Variants in ARFGAP3 observed in about 807,000 individuals in gnomAD.
ARFGAP3 encodes ARF GTPase activating protein 3, also known as ADP-ribosylation factor GTPase-activating protein 3.
ARFGAP3 carries 72 observed loss-of-function variants against 75.0 expected under a neutral mutation model. That is an observed-to-expected ratio of 0.96 (90% CI 0.79 to 1.17). The LOEUF (loss-of-function observed/expected upper bound fraction) is 1.17. Ranked by LOEUF, ARFGAP3 falls within the 50% of genes most tolerant of loss-of-function variation. The pLI, the probability that ARFGAP3 is intolerant of heterozygous loss-of-function variation, is 0.00. For synonymous variants in ARFGAP3, 221 were observed against 217.9 expected, an observed-to-expected ratio of 1.01 and a Z score of -0.13; for missense variants, 620 against 626.6, an observed-to-expected ratio of 0.99 and a Z score of 0.11.
intron 2 of ARFGAP3, 52 bp downstream of exon 2, chr22:42,847,462 A>G: frequency 6.8e-7 from 1 of 1,474,794 alleles, no homozygotes; most frequent in Non-Finnish European, 9.4e-7. Flanking sequence ...GGAAAAAAAC[A>G]CCCATGTAAC....
Position 42,831,644 on chromosome 22 carries a change from A to G in ARFGAP3, c.478-8T>C. ...CCACGCTGTGTCACTCACCTGAAAC[A>G]AGGCGAGAAAAGTCATTAGCAGACA... On this transcript the variant is annotated splice_polypyrimidine_tract_variant and splice_region_variant and intron_variant, in intron 5 of 15. Transcript: ENST00000263245. 6.2e-7 allele frequency: 1 copy of G among 1,614,006 alleles called. No individual in the cohort carries two copies. Among genetic ancestry groups the G allele is most frequent in the Non-Finnish European group, 8.5e-7 (1 of 1,179,954 alleles).
chr22:42,797,697 C>T lies in ARFGAP3; in HGVS notation c.1534-92G>A, dbSNP rs112736077. The T allele has an allele frequency of 3.1e-3, 5,071 of 1,612,448 alleles. 144 individuals are homozygous for T. In the African/African-American group the frequency reaches 0.058, roughly 19 times the overall value. On this transcript the variant is annotated intron_variant, in intron 15 of 15. Transcript: ENST00000263245. ...ATATTCAGCATCACCCAAATTGACA[C>T]TGCAGCCCATGTCAGGCATGTGACA...
chr22:42,820,482 G>A (rs1297447088), intron 9 of ARFGAP3, among the ~76,000 whole-genome samples: 1 of 152,120 alleles, frequency 6.6e-6, no homozygotes, highest in Non-Finnish European at 1.5e-5. Context: ...AAGACAGTAC[G>A]AAAAGTAGTT....
intron 11 of ARFGAP3, among the ~76,000 whole-genome samples, chr22:42,814,389 A>G (rs1038583944): frequency 2.0e-5 from 3 of 152,212 alleles, no homozygotes; most frequent in African/African-American, 7.2e-5. Flanking sequence ...TAGAGAAGGC[A>G]TTTATGTTCC....
chr22:42,831,535 T>A lies in ARFGAP3; in HGVS notation c.565+14A>T. The A allele has an allele frequency of 6.2e-7, 1 of 1,612,038 alleles. No homozygotes were observed. The highest frequency in any genetic ancestry group is 8.5e-7 in the Non-Finnish European group (1 of 1,178,468). ...CCATAGAATAGTATTACATGACAGT[T>A]CTAAGGACTCCACCTTCATTATTTT... On this transcript the variant is annotated intron_variant, in intron 6 of 15. Coordinates refer to ENST00000263245, the MANE Select transcript of ARFGAP3 (RefSeq NM_014570.5).
At chr22:42,828,114 A>G (rs961838263) in intron 6 of ARFGAP3, among the ~76,000 whole-genome samples, 12 of 149,254 alleles carry the variant, frequency 8.0e-5, no homozygotes, top group East Asian at 5.9e-4. Flanking sequence ...GTGAAACCCC[A>G]TATCTACTAA....
intron 9 of ARFGAP3, among the ~76,000 whole-genome samples, 160 bp downstream of exon 9, chr22:42,822,110 C>G (rs931390962): frequency 6.6e-6 from 1 of 152,146 alleles, no homozygotes; most frequent in African/African-American, 2.4e-5. Context: ...TCTTTCCCTT[C>G]CAATCCACAT....
intron 3 of ARFGAP3, among the ~76,000 whole-genome samples, chr22:42,839,562 C>T (rs995657190): frequency 1.3e-4 from 19 of 147,534 alleles, no homozygotes; most frequent in Non-Finnish European, 2.8e-4. Flanking sequence ...GGCGCCACTG[C>T]ACTCCAGCCT....
chr22:42,847,145 A>G, intron 2 of ARFGAP3: 1 of 197,424 alleles, frequency 5.1e-6, no homozygotes, highest in Non-Finnish European at 1.0e-5. Context: ...GTATGGCAAC[A>G]CTGAAAATCA....
At chr22:42,802,423 C>A (rs1924908805) in intron 14 of ARFGAP3, among the ~76,000 whole-genome samples, 1 of 150,436 alleles carries the variant, frequency 6.6e-6, no homozygotes, top group Non-Finnish European at 1.5e-5. Flanking sequence ...GTAGCTGGGA[C>A]TACAGGTGCC....
At chr22:42,853,997 G>A (rs1248569787) in intron 1 of ARFGAP3, among the ~76,000 whole-genome samples, 2 of 152,222 alleles carry the variant, frequency 1.3e-5, no homozygotes, top group East Asian at 1.9e-4. Context: ...TGACAGATAA[G>A]AAGTGGCCAC....
chr22:42,855,342 T>C (rs1281995094), intron 1 of ARFGAP3, among the ~76,000 whole-genome samples: 1 of 152,200 alleles, frequency 6.6e-6, no homozygotes, highest in Middle Eastern at 3.2e-3. Flanking sequence ...CAGATCCTAA[T>C]CTTGACTAAG....
At position 42,817,807 on chromosome 22, in the gene ARFGAP3, T is replaced by C. The variant is rs758622602; in HGVS notation, c.863A>G (p.Lys288Arg). 1.9e-6 allele frequency: 3 copies of C among 1,613,520 alleles called. No homozygotes were observed. Among genetic ancestry groups the C allele is most frequent in the Non-Finnish European group, 2.5e-6 (3 of 1,179,780 alleles). The change falls in exon 10 of 16, where the codon AAA becomes AGA. Residue 288 changes from lysine (K) to arginine (R), a missense_variant. Coordinates refer to ENST00000263245, the MANE Select transcript of ARFGAP3 (RefSeq NM_014570.5). Reference protein sequence around the residue: ...AYKDLEIQMKKDEKMNISGKK... With the variant: ...AYKDLEIQMKRDEKMNISGKK... ...GCCACTAATGTTCATCTTTTCGTCT[T>C]TCTTCATTTGAATTTCAAGATCCTT...
At chr22:42,837,404 T>C (rs1191494660) in intron 3 of ARFGAP3, among the ~76,000 whole-genome samples, 1 of 152,116 alleles carries the variant, frequency 6.6e-6, no homozygotes, top group Non-Finnish European at 1.5e-5. Flanking sequence ...GCAGATCACT[T>C]GAGCCTAGGA....
chr22:42,819,087 A>G (rs979115093), intron 9 of ARFGAP3, among the ~76,000 whole-genome samples: 1 of 152,152 alleles, frequency 6.6e-6, no homozygotes, highest in Non-Finnish European at 1.5e-5. Flanking sequence ...TCCTGGGATT[A>G]CAGGCATGAG....
At chr22:42,844,207 T>G (rs111518794) in intron 2 of ARFGAP3, among the ~76,000 whole-genome samples, 81 of 65,182 alleles carry the variant, frequency 1.2e-3, no homozygotes, top group Non-Finnish European at 1.8e-3. Flanking sequence ...TGGTGGTGGT[T>G]GTTGTTGTTT....
chr22:42,819,935 A>G (rs1925739048), intron 9 of ARFGAP3, among the ~76,000 whole-genome samples: 1 of 152,156 alleles, frequency 6.6e-6, no homozygotes, highest in Non-Finnish European at 1.5e-5. Context: ...CTCAAATCAA[A>G]TTCATAAATC....
At chr22:42,839,452 T>C (rs551788044) in intron 3 of ARFGAP3, among the ~76,000 whole-genome samples, 2 of 151,158 alleles carry the variant, frequency 1.3e-5, no homozygotes, top group Middle Eastern at 3.4e-3. Flanking sequence ...TACCAAAAAA[T>C]CCAGGCATGG....
At chr22:42,824,594 G>A (rs1925959310) in intron 7 of ARFGAP3, among the ~76,000 whole-genome samples, 1 of 151,554 alleles carries the variant, frequency 6.6e-6, no homozygotes, top group South Asian at 2.1e-4. Flanking sequence ...TGAACTCCTG[G>A]CCTCAAGTGA....
Sources: allele counts gnomAD v4.1 joint callset (sites outside exome capture counted in the v4.1 genomes callset), GRCh38; gene constraint gnomAD v4.1.1; transcripts MANE v1.5; gene names NCBI Gene and HGNC (gene_info 2026-07-23, HGNC 2026-07-21).